DAB1: variants seen among roughly 807,000 people sequenced by gnomAD.
The protein encoded by DAB1 is DAB adaptor protein 1, also known as disabled homolog 1.
A neutral mutation model predicts 64.6 loss-of-function variants in DAB1; 15 were observed. The ratio of observed to expected loss-of-function variants is 0.23; its 90% CI spans 0.16 to 0.36. The LOEUF (loss-of-function observed/expected upper bound fraction) is 0.36. DAB1 is among the 10% of genes least tolerant of loss of function. The pLI is 1.00. For missense variants in DAB1, 596 were observed against 706.7 expected (o/e 0.84, Z 1.78); for synonymous variants, 235 against 251.9 (o/e 0.93, Z 0.64).
chr1:58,414,377 G>T (rs147679624), intron 3 of DAB1, among the ~76,000 whole-genome samples: 1 of 152,274 alleles, frequency 6.6e-6, no homozygotes, highest in Non-Finnish European at 1.5e-5. Context: ...TGCTCTTTCA[G>T]CATCTTCCAG....
At chr1:57,688,757 C>A (rs12125470) in intron 6 of DAB1, among the ~76,000 whole-genome samples, 22,927 of 152,132 alleles carry the variant, frequency 0.15, 2,026 homozygotes, top group Admixed American at 0.25. Flanking sequence ...AAATTATGTC[C>A]TTTGCAGCAA....
chr1:57,821,373 G>C (rs1652111503), downstream of DAB1, among the ~76,000 whole-genome samples: 1 of 152,126 alleles, frequency 6.6e-6, no homozygotes. Context: ...CCCCTGTAAT[G>C]ACTGATGTTT....
intron 7 of DAB1, among the ~76,000 whole-genome samples, chr1:57,442,354 G>A (rs952650437): frequency 1.3e-5 from 2 of 152,162 alleles, no homozygotes; most frequent in African/African-American, 4.8e-5. Context: ...GATTCAATCA[G>A]CTGTCTCTAG....
chr1:57,018,727 A>G (rs1646513466), intron 11 of DAB1, among the ~76,000 whole-genome samples: 1 of 152,096 alleles, frequency 6.6e-6, no homozygotes, highest in African/African-American at 2.4e-5. Flanking sequence ...GCCATGAAGG[A>G]CTGTTTTTAA....
chr1:57,975,913 A>G (rs998504017), intron 5 of DAB1, among the ~76,000 whole-genome samples: 2 of 152,158 alleles, frequency 1.3e-5, no homozygotes, highest in Non-Finnish European at 2.9e-5. Context: ...ACAATTGCCA[A>G]TTCATCCTTA....
At chr1:57,431,143 C>CACAAAA (rs749097562) in intron 7 of DAB1, among the ~76,000 whole-genome samples, 1,365 of 96,362 alleles carry the variant, frequency 0.014, 23 homozygotes, top group Middle Eastern at 0.049. Context: ...AGGCCAAAAA[C>CACAAAA]AAAAAAAAAA....
At chr1:58,063,242 A>G (rs1340243542) in intron 5 of DAB1, among the ~76,000 whole-genome samples, 2 of 152,204 alleles carry the variant, frequency 1.3e-5, no homozygotes, top group Non-Finnish European at 2.9e-5. Context: ...TGCTGTAAAT[A>G]ACAGAATGTT....
Position 58,076,681 on chromosome 1 carries a change from T to C in DAB1, n.387+73830A>G, listed in dbSNP as rs1649669311. On this transcript the variant is annotated intron_variant and non_coding_transcript_variant, in intron 5 of 20. Coordinates refer to the DAB1 transcript ENST00000485760. ...TTCTAAATCTAGCAGTCTTTCCAGT[T>C]CTACTGCACCAGGGTTTTTGTACTC... Among the ~76,000 whole-genome samples the C allele has an allele frequency of 2.0e-5, 3 of 152,220 alleles. No individual in the cohort carries two copies. In the South Asian group the frequency reaches 6.2e-4, roughly 31 times the overall value.
At chr1:58,089,879 C>T (rs1464220671) in intron 5 of DAB1, among the ~76,000 whole-genome samples, 7 of 152,196 alleles carry the variant, frequency 4.6e-5, no homozygotes, top group Admixed American at 6.5e-5. Flanking sequence ...TGGGGGCAGA[C>T]AAGAACCGTT....
intron 4 of DAB1, among the ~76,000 whole-genome samples, chr1:58,249,734 T>C (rs1229382604): frequency 1.3e-5 from 2 of 151,834 alleles, no homozygotes; most frequent in Non-Finnish European, 2.9e-5. Context: ...GTTAAATGGC[T>C]GCGCGTCAAC....
intron 5 of DAB1, among the ~76,000 whole-genome samples, chr1:58,014,448 T>C (rs1646711249): frequency 6.6e-6 from 1 of 152,182 alleles, no homozygotes. Flanking sequence ...GCTACACTCT[T>C]TTGGCAGATC....
chr1:58,099,065 G>A (rs551091794), intron 5 of DAB1, among the ~76,000 whole-genome samples: 1 of 152,164 alleles, frequency 6.6e-6, no homozygotes, highest in Admixed American at 6.5e-5. Context: ...AGATGTCCTA[G>A]AGCAGTATCA....
At chr1:57,551,698 A>T (rs530422457) in intron 7 of DAB1, among the ~76,000 whole-genome samples, 2 of 152,144 alleles carry the variant, frequency 1.3e-5, no homozygotes. Context: ...TCTGCAACTC[A>T]TTAGGTCATC....
At chr1:58,495,976 A>G (rs1569891373) in intron 3 of DAB1, among the ~76,000 whole-genome samples, 2 of 152,298 alleles carry the variant, frequency 1.3e-5, no homozygotes, top group Admixed American at 1.3e-4. Context: ...TAAGCTTGTC[A>G]TTTCAGGGCT....
At chr1:58,179,367 G>C (rs899727297) in intron 4 of DAB1, among the ~76,000 whole-genome samples, 1 of 151,970 alleles carries the variant, frequency 6.6e-6, no homozygotes, top group Non-Finnish European at 1.5e-5. Flanking sequence ...GTTGTGAAGT[G>C]TTTCCTCCTC....
chr1:57,943,122 T>A (rs1411990138), intron 5 of DAB1, among the ~76,000 whole-genome samples: 1 of 152,154 alleles, frequency 6.6e-6, no homozygotes, highest in African/African-American at 2.4e-5. Flanking sequence ...AAAAGGCTCA[T>A]TAGGGACCAA....
At chr1:58,163,310 A>G (rs1346580554) in intron 4 of DAB1, among the ~76,000 whole-genome samples, 5 of 152,224 alleles carry the variant, frequency 3.3e-5, no homozygotes, top group Non-Finnish European at 7.3e-5. Flanking sequence ...GCAAGCAATG[A>G]CATGACGGTA....
chr1:58,300,876 C>T (rs889160017), intron 4 of DAB1, among the ~76,000 whole-genome samples: 14 of 152,074 alleles, frequency 9.2e-5, no homozygotes, highest in African/African-American at 3.4e-4. Flanking sequence ...CACATGCACT[C>T]TGTTTGCCAA....
At chr1:58,184,203 C>T (rs1411287929) in intron 4 of DAB1, among the ~76,000 whole-genome samples, 1 of 151,546 alleles carries the variant, frequency 6.6e-6, no homozygotes, top group Admixed American at 6.6e-5. Context: ...TAAAAACACC[C>T]ACTTGCCTAC....
Sources: allele counts gnomAD v4.1 joint callset (sites outside exome capture counted in the v4.1 genomes callset), GRCh38; gene constraint gnomAD v4.1.1; transcripts MANE v1.5; gene names NCBI Gene and HGNC (gene_info 2026-07-23, HGNC 2026-07-21).